The following PDE1C variants were observed in gnomAD, a reference collection of about 807,000 sequenced individuals.
The protein encoded by PDE1C is dual specificity calcium/calmodulin-dependent 3',5'-cyclic nucleotide phosphodiesterase 1C.
Under a neutral mutation model 93.1 loss-of-function variants are expected in PDE1C, and 62 were observed. The ratio of observed to expected loss-of-function variants is 0.67; its 90% confidence interval spans 0.54 to 0.82. The LOEUF (loss-of-function observed/expected upper bound fraction) is 0.82, where lower values mean the gene tolerates loss of function less well. PDE1C is among the 40% of genes least tolerant of loss of function. The probability of loss-of-function intolerance (pLI) is 0.00; values close to 1 mark genes in which losing one functional copy is unlikely to be tolerated. For synonymous variants in PDE1C, 325 were observed against 310.1 expected, an observed-to-expected ratio of 1.05 and a Z score of -0.50; for missense variants, 742 against 884.6, an observed-to-expected ratio of 0.84 and a Z score of 2.04.
At chr7:32,399,285 A>C (rs1229524162) in intron 1 of PDE1C, among the ~76,000 whole-genome samples, 1 of 152,228 alleles carries the variant, frequency 6.6e-6, no homozygotes, top group African/African-American at 2.4e-5. Flanking sequence ...CAATAGATCC[A>C]AATACTTTGT....
intron 16 of PDE1C, among the ~76,000 whole-genome samples, chr7:31,781,605 G>A (rs1049221319): frequency 2.0e-5 from 3 of 151,970 alleles, no homozygotes; most frequent in African/African-American, 7.2e-5. Flanking sequence ...CCCCTTTACA[G>A]CTTTGAAGAG....
chr7:32,185,832 G>C (rs566768295), intron 2 of PDE1C, among the ~76,000 whole-genome samples: 14 of 152,246 alleles, frequency 9.2e-5, no homozygotes, highest in Non-Finnish European at 1.6e-4. Flanking sequence ...ACATTTCAAT[G>C]TTCAATAGAC....
At chr7:32,079,651 C>T (rs1216533073) in intron 3 of PDE1C, among the ~76,000 whole-genome samples, 1 of 152,226 alleles carries the variant, frequency 6.6e-6, no homozygotes, top group African/African-American at 2.4e-5. Flanking sequence ...GCTGAGACCT[C>T]TCTCTTTCTC....
intron 1 of PDE1C, among the ~76,000 whole-genome samples, chr7:32,295,385 C>T (rs1019218451): frequency 6.6e-6 from 1 of 152,176 alleles, no homozygotes; most frequent in Admixed American, 6.5e-5. Context: ...TAGCTGTGTG[C>T]CTTCTGGCAA....
intron 2 of PDE1C, among the ~76,000 whole-genome samples, chr7:32,204,494 C>T (rs1436423510): frequency 3.3e-5 from 5 of 152,186 alleles, no homozygotes; most frequent in Non-Finnish European, 7.3e-5. Context: ...TCCTCCAATG[C>T]CCTGGACTCC....
rs181097519 is a variant in PDE1C at position 31,916,046 on chromosome 7, G to T, written c.129-35186C>A. Among the ~76,000 whole-genome samples the T allele has an allele frequency of 8.9e-3, 1,273 of 142,652 alleles. 21 individuals are homozygous for T. Among genetic ancestry groups the T allele is most frequent in the African/African-American group, 0.037 (1,191 of 32,526 alleles). The allele number at this position is 142,652 out of a possible 152,430, so 93.6% of individuals were successfully genotyped here. On this transcript the variant is annotated intron_variant, in intron 2 of 17. Transcript: ENST00000396191. ...AGGAAGTTACTTTCTGCCAGGTATG[G>T]GGGGGGCACCTCTCAAATGAGGGTC...
chr7:32,265,875 A>G (rs541150538), intron 1 of PDE1C, among the ~76,000 whole-genome samples: 1 of 151,950 alleles, frequency 6.6e-6, no homozygotes, highest in South Asian at 2.1e-4. Context: ...GTATTTGGAC[A>G]AGCTCCTAAT....
At chr7:31,789,662 A>G (rs1246952285) in intron 16 of PDE1C, 3 of 981,472 alleles carry the variant, frequency 3.1e-6, no homozygotes, top group Non-Finnish European at 3.6e-6. Flanking sequence ...AAAAAGCATA[A>G]GAACAATTTT....
At chr7:31,880,189 G>GCC (rs1562962234) in intron 3 of PDE1C, among the ~76,000 whole-genome samples, 86 of 152,196 alleles carry the variant, frequency 5.7e-4, no homozygotes, top group African/African-American at 1.9e-3. Flanking sequence ...TTTTTCAAAA[G>GCC]AAATGCAATT....
rs187412808 is a variant in PDE1C at position 32,379,071 on chromosome 7, C to A, written c.310+48751G>T. On this transcript the variant is annotated intron_variant, in intron 1 of 1. Transcript: ENST00000672256. ...ACTTACAATGCGTTCTCTGGCCTAC[C>A]TACCTCTCCTGCTCCAGCTGCATTT... Among the ~76,000 whole-genome samples, 5 of 152,300 alleles carry A rather than the reference C, an allele frequency of 3.3e-5. No individual in the cohort carries two copies. In the East Asian group the frequency reaches 5.8e-4, roughly 18 times the overall value.
At chr7:32,184,979 C>T (rs562162246) in intron 2 of PDE1C, among the ~76,000 whole-genome samples, 34 of 151,934 alleles carry the variant, frequency 2.2e-4, no homozygotes, top group Non-Finnish European at 3.5e-4. Context: ...GGCGTAGTGG[C>T]GCATGCCTAT....
chr7:31,836,387 T>A (rs1791109212), intron 11 of PDE1C, among the ~76,000 whole-genome samples: 1 of 152,122 alleles, frequency 6.6e-6, no homozygotes. Context: ...CAGGCTGGAG[T>A]ACGGCAGTGC....
Position 31,879,183 on chromosome 7 carries a change from A to C in PDE1C, c.243-5T>G. Reference sequence around the variant, plus strand: ...TCCTCTGTATCCAGGAGTCTCCTGAACACAAGAAACAGAATCAGCACACTG... The same window carrying C: ...TCCTCTGTATCCAGGAGTCTCCTGACCACAAGAAACAGAATCAGCACACTG... On this transcript the variant is annotated splice_polypyrimidine_tract_variant and splice_region_variant and intron_variant, in intron 3 of 17. Coordinates refer to ENST00000396191, the MANE Select transcript of PDE1C (RefSeq NM_001191057.4). The C allele has an allele frequency of 1.9e-6, 3 of 1,609,240 alleles. No homozygotes were observed. Among genetic ancestry groups the C allele is most frequent in the Non-Finnish European group, 2.5e-6 (3 of 1,177,428 alleles).
At chr7:32,302,683 C>T (rs1812908648), upstream of PDE1C, among the ~76,000 whole-genome samples, 1 of 152,162 alleles carries the variant, frequency 6.6e-6, no homozygotes, top group East Asian at 1.9e-4. Context: ...TGGTTTTTCA[C>T]TTTTAAAGTT....
chr7:32,026,782 T>C (rs30563), intron 2 of PDE1C, among the ~76,000 whole-genome samples: 104,728 of 151,988 alleles, frequency 0.69, 36,496 homozygotes, highest in East Asian at 0.79. Flanking sequence ...AGGTGAATGG[T>C]TAAACAAACT....
At chr7:32,234,552 C>T (rs567344834) in intron 1 of PDE1C, among the ~76,000 whole-genome samples, 1 of 152,028 alleles carries the variant, frequency 6.6e-6, no homozygotes, top group Non-Finnish European at 1.5e-5. Context: ...CTTCAGATTT[C>T]CATAACTCAG....
intron 1 of PDE1C, among the ~76,000 whole-genome samples, chr7:32,244,122 C>T (rs1344905973): frequency 1.3e-5 from 2 of 152,180 alleles, no homozygotes; most frequent in Non-Finnish European, 2.9e-5. Flanking sequence ...CAGCACCCCA[C>T]ACCTGATTTG....
chr7:31,647,022 T>G, the PDE1C span, among the ~76,000 whole-genome samples: 1 of 152,228 alleles, frequency 6.6e-6, no homozygotes, highest in Admixed American at 6.5e-5. Flanking sequence ...AGAAAACAAT[T>G]CAAACATACA....
chr7:32,254,735 G>A (rs543563084), intron 1 of PDE1C, among the ~76,000 whole-genome samples: 1 of 152,228 alleles, frequency 6.6e-6, no homozygotes, highest in South Asian at 2.1e-4. Flanking sequence ...ACATGCCCAA[G>A]TGAGAGAGGA....
Sources: allele counts gnomAD v4.1 joint callset (sites outside exome capture counted in the v4.1 genomes callset), GRCh38; gene constraint gnomAD v4.1.1; transcripts MANE v1.5; gene names NCBI Gene and HGNC (gene_info 2026-07-23, HGNC 2026-07-21).